ARB2A: variants seen among roughly 807,000 people sequenced by gnomAD.
ARB2A encodes cotranscriptional regulator ARB2A.
the ARB2A span, among the ~76,000 whole-genome samples, chr5:93,694,784 AACTAT>A: frequency 6.6e-6 from 1 of 152,226 alleles, no homozygotes; most frequent in Non-Finnish European, 1.5e-5. Flanking sequence ...CCTGATTTCA[AACTAT>A]ACTATAAGGC....
At chr5:93,775,216 C>T in the ARB2A span, among the ~76,000 whole-genome samples, 9 of 152,120 alleles carry the variant, frequency 5.9e-5, no homozygotes, top group East Asian at 1.9e-4. Flanking sequence ...TAGTTCTATA[C>T]CTAGAATCTG....
At chr5:93,789,687 G>A in the ARB2A span, among the ~76,000 whole-genome samples, 22 of 152,194 alleles carry the variant, frequency 1.4e-4, no homozygotes, top group Non-Finnish European at 2.9e-4. Context: ...AGTGTGCCCT[G>A]TAGATGACTT....
chr5:93,663,469 G>A, the ARB2A span, among the ~76,000 whole-genome samples: 2 of 152,150 alleles, frequency 1.3e-5, no homozygotes, highest in African/African-American at 4.8e-5. Flanking sequence ...TAGGGAAATT[G>A]GGAGGAAATG....
the ARB2A span, chr5:93,865,627 A>G: frequency 1.0e-6 from 1 of 985,280 alleles, no homozygotes; most frequent in African/African-American, 1.7e-5. Flanking sequence ...TCTTTATTTA[A>G]TCTGGCCATT....
chr5:93,816,758 A>G, the ARB2A span, among the ~76,000 whole-genome samples: 1 of 152,204 alleles, frequency 6.6e-6, no homozygotes, highest in African/African-American at 2.4e-5. Flanking sequence ...TGCATGAAGG[A>G]TATAAAAGGA....
At chr5:94,064,031 G>T in the ARB2A span, among the ~76,000 whole-genome samples, 2 of 151,286 alleles carry the variant, frequency 1.3e-5, no homozygotes, top group Non-Finnish European at 2.9e-5. Flanking sequence ...CCCAGAAAAA[G>T]AATTTAAAAT....
the ARB2A span, among the ~76,000 whole-genome samples, chr5:93,686,616 A>G: frequency 6.6e-6 from 1 of 152,140 alleles, no homozygotes; most frequent in South Asian, 2.1e-4. Context: ...TTGCTGGAAG[A>G]TCATGGTCCA....
the ARB2A span, among the ~76,000 whole-genome samples, chr5:93,673,691 A>T: frequency 6.6e-6 from 1 of 152,216 alleles, no homozygotes; most frequent in African/African-American, 2.4e-5. Flanking sequence ...GTGTTAGTTT[A>T]GGTTTGTCAT....
At chr5:93,935,041 A>C in the ARB2A span, among the ~76,000 whole-genome samples, 1 of 152,188 alleles carries the variant, frequency 6.6e-6, no homozygotes, top group Non-Finnish European at 1.5e-5. Context: ...ACGCAAAGGC[A>C]TAAGAATGAT....
chr5:93,959,047 T>C, the ARB2A span: 1 of 901,200 alleles, frequency 1.1e-6, no homozygotes. Context: ...AACTAATGGC[T>C]GTTACAAAGT....
the ARB2A span, among the ~76,000 whole-genome samples, chr5:93,827,215 G>A: frequency 6.6e-6 from 1 of 152,178 alleles, no homozygotes; most frequent in Non-Finnish European, 1.5e-5. Flanking sequence ...CCCACCAACA[G>A]TGTAAAAGTG....
At chr5:93,871,672 TTG>T in the ARB2A span, among the ~76,000 whole-genome samples, 1 of 152,190 alleles carries the variant, frequency 6.6e-6, no homozygotes, top group South Asian at 2.1e-4. Context: ...ATATTTTTCA[TTG>T]TGTCTTTCAT....
the ARB2A span, among the ~76,000 whole-genome samples, chr5:94,091,460 T>C: frequency 6.6e-6 from 1 of 152,192 alleles, no homozygotes; most frequent in South Asian, 2.1e-4. Context: ...AAGAACAGGA[T>C]ACAGATCATT....
At chr5:93,957,411 G>A in the ARB2A span, among the ~76,000 whole-genome samples, 440 of 152,152 alleles carry the variant, frequency 2.9e-3, 2 homozygotes, top group African/African-American at 0.01. Flanking sequence ...AAAATACATA[G>A]ACAGGATCTG....
At chr5:93,820,949 TG>T in the ARB2A span, among the ~76,000 whole-genome samples, 2,005 of 152,282 alleles carry the variant, frequency 0.013, 42 homozygotes, top group African/African-American at 0.046. Context: ...AAATGTATAC[TG>T]TTTTTTAATG....
chr5:93,867,056 A>G, the ARB2A span, among the ~76,000 whole-genome samples: 1 of 152,222 alleles, frequency 6.6e-6, no homozygotes, highest in African/African-American at 2.4e-5. Context: ...CCTCTTCTCA[A>G]TAATAGCTAA....
chr5:93,787,553 G>T, the ARB2A span, among the ~76,000 whole-genome samples: 1 of 151,906 alleles, frequency 6.6e-6, no homozygotes, highest in South Asian at 2.1e-4. Context: ...CCTATTTGTG[G>T]ATAAGTAAAC....
the ARB2A span, among the ~76,000 whole-genome samples, chr5:93,751,138 G>GC: frequency 4.7e-5 from 7 of 147,538 alleles, no homozygotes; most frequent in African/African-American, 1.8e-4. Context: ...TAGGGTGTAT[G>GC]TTTTTTTGCC....
the ARB2A span, among the ~76,000 whole-genome samples, chr5:94,083,137 G>C: frequency 6.6e-6 from 1 of 152,162 alleles, no homozygotes; most frequent in African/African-American, 2.4e-5. Flanking sequence ...CACTGAAGTT[G>C]CCAACACAAG....
Sources: allele counts gnomAD v4.1 joint callset (sites outside exome capture counted in the v4.1 genomes callset), GRCh38; gene constraint gnomAD v4.1.1; transcripts MANE v1.5; gene names NCBI Gene and HGNC (gene_info 2026-07-23, HGNC 2026-07-21).